The following RBFOX1 variants were observed in gnomAD, a reference collection of about 807,000 sequenced individuals.
RBFOX1 encodes the protein RNA binding protein fox-1 homolog 1.
Under a neutral mutation model 57.7 loss-of-function variants are expected in RBFOX1, and 8 were observed. That is an observed-to-expected ratio of 0.14 (90% confidence interval 0.08 to 0.25). The LOEUF is 0.25. RBFOX1 is among the 10% of genes least tolerant of loss of function. RBFOX1 has a pLI of 1.00. For missense variants in RBFOX1, 611 were observed against 548.5 expected (o/e 1.11, Z -1.14); for synonymous variants, 326 against 222.4 (o/e 1.47, Z -4.15).
At chr16:6,537,867 T>C (rs564920165) in intron 2 of RBFOX1, among the ~76,000 whole-genome samples, 1 of 152,036 alleles carries the variant, frequency 6.6e-6, no homozygotes, top group South Asian at 2.1e-4. Flanking sequence ...ATATTTAAAT[T>C]GAGTTAAATC....
At chr16:5,675,283 G>C (rs1487821252) in intron 3 of RBFOX1, among the ~76,000 whole-genome samples, 1 of 152,128 alleles carries the variant, frequency 6.6e-6, no homozygotes, top group Non-Finnish European at 1.5e-5. Context: ...ACATTTTTGG[G>C]TTGTAAGGAA....
At chr16:7,696,883 T>C (rs912551343) in intron 14 of RBFOX1, among the ~76,000 whole-genome samples, 11 of 152,072 alleles carry the variant, frequency 7.2e-5, no homozygotes, top group African/African-American at 2.4e-4. Context: ...ATACAGCAGG[T>C]GCAGAGACCC....
At chr16:6,153,241 C>A (rs1405318340) in intron 1 of RBFOX1, among the ~76,000 whole-genome samples, 1 of 151,910 alleles carries the variant, frequency 6.6e-6, no homozygotes, top group African/African-American at 2.4e-5. Context: ...ATGCAGCATT[C>A]CTATTTCCTC....
chr16:6,380,492 C>T lies in RBFOX1; in HGVS notation c.-64+63435C>T, dbSNP rs143823325. 7.2e-3 allele frequency among the ~76,000 whole-genome samples: 941 copies of T among 131,078 alleles called. 6 individuals are homozygous for T. The highest frequency in any genetic ancestry group is 0.032 in the Middle Eastern group (7 of 222). 86.0% of individuals were successfully genotyped at this position (131,078 alleles called of 152,430 possible). ...GTCTAGACACAGAGAAAATGGACAA[C>T]TTATGGTCTAGAGATGGCAGCACAG... On this transcript the variant is annotated intron_variant, in intron 2 of 15. Coordinates refer to ENST00000550418, the MANE Select transcript of RBFOX1 (RefSeq NM_018723.4).
chr16:7,196,597 T>A (rs951043133), intron 4 of RBFOX1, among the ~76,000 whole-genome samples: 1 of 152,154 alleles, frequency 6.6e-6, no homozygotes, highest in East Asian at 1.9e-4. Flanking sequence ...TTTATTCGCA[T>A]TTTTTAGAGG....
intron 3 of RBFOX1, among the ~76,000 whole-genome samples, chr16:5,834,730 G>GATACATACATACATACATAC (rs763479891): frequency 1.4e-5 from 2 of 146,302 alleles, no homozygotes; most frequent in Non-Finnish European, 1.5e-5. Flanking sequence ...TAGATACATA[G>GATACATACATACATACATAC]ATACATACAT....
At chr16:5,527,976 GT>G (rs1294612153) in intron 2 of RBFOX1, among the ~76,000 whole-genome samples, 1 of 152,184 alleles carries the variant, frequency 6.6e-6, no homozygotes, top group Non-Finnish European at 1.5e-5. Flanking sequence ...CTGTCAGGAT[GT>G]TTAAACAGCC....
chr16:6,731,507 C>G (rs2068579479), intron 3 of RBFOX1, among the ~76,000 whole-genome samples: 1 of 152,094 alleles, frequency 6.6e-6, no homozygotes, highest in African/African-American at 2.4e-5. Context: ...TGTCTCAGTT[C>G]TTGAGAGTAT....
intron 3 of RBFOX1, among the ~76,000 whole-genome samples, chr16:6,929,608 A>G (rs1247611515): frequency 6.6e-6 from 1 of 152,182 alleles, no homozygotes; most frequent in Middle Eastern, 3.2e-3. Context: ...TAGCTTAAAA[A>G]AAGTCCCACC....
At chr16:5,974,958 A>G (rs2060032781) in intron 4 of RBFOX1, among the ~76,000 whole-genome samples, 1 of 152,202 alleles carries the variant, frequency 6.6e-6, no homozygotes, top group Non-Finnish European at 1.5e-5. Context: ...CGGTGAGCAG[A>G]GAACACGCCT....
In RBFOX1 at chr16:7,612,050, G is replaced by A. The variant is rs558841855; in HGVS notation, c.676+4712G>A. Among the ~76,000 whole-genome samples, 23 of 152,096 alleles carry A rather than the reference G, an allele frequency of 1.5e-4. 2 individuals carry two copies. In the South Asian group the frequency reaches 3.9e-3, roughly 26 times the overall value. On this transcript the variant is annotated intron_variant, in intron 10 of 15. Coordinates refer to ENST00000550418, the MANE Select transcript of RBFOX1 (RefSeq NM_018723.4). Reference sequence around the variant, plus strand: ...TCAAGACAAATGATTTGCCGGGCGCGGTGGCTCACGCCTGTAATCCCAGCA... The same window carrying A: ...TCAAGACAAATGATTTGCCGGGCGCAGTGGCTCACGCCTGTAATCCCAGCA...
At chr16:7,049,023 G>C (rs908563764) in intron 3 of RBFOX1, among the ~76,000 whole-genome samples, 7 of 152,098 alleles carry the variant, frequency 4.6e-5, no homozygotes, top group African/African-American at 1.4e-4. Flanking sequence ...AATTCTCAAA[G>C]CTTATGGAAA....
At chr16:5,756,614 CT>C in intron 3 of RBFOX1, among the ~76,000 whole-genome samples, 1 of 152,320 alleles carries the variant, frequency 6.6e-6, no homozygotes, top group East Asian at 1.9e-4. Flanking sequence ...CTTAACTAAT[CT>C]GGCACCATTT....
chr16:5,454,767 C>A (rs77602619), intron 1 of RBFOX1, among the ~76,000 whole-genome samples: 1 of 36,320 alleles, frequency 2.8e-5, no homozygotes, highest in African/African-American at 9.8e-5. Flanking sequence ...TTCTTTCTTT[C>A]TCTTTCTTTC....
intron 3 of RBFOX1, among the ~76,000 whole-genome samples, chr16:6,754,712 T>C (rs1232770766): frequency 6.6e-6 from 1 of 152,066 alleles, no homozygotes; most frequent in Non-Finnish European, 1.5e-5. Flanking sequence ...TGTTTTTTTT[T>C]TATTATTATA....
downstream of RBFOX1, chr16:5,600,198 G>C (rs2047319936): frequency 6.6e-6 from 1 of 151,984 alleles, no homozygotes; most frequent in South Asian, 2.1e-4. Flanking sequence ...CTACTCAGGA[G>C]GCTGAGGCAG....
intron 1 of RBFOX1, among the ~76,000 whole-genome samples, chr16:5,422,209 TGGAGGAG>T (rs1230287146): frequency 7.9e-6 from 1 of 126,446 alleles, no homozygotes; most frequent in Non-Finnish European, 1.7e-5. Flanking sequence ...AGGAGAAAGG[TGGAGGAG>T]AGAGGAGGGA....
At chr16:7,021,836 A>G (rs1276859133) in intron 3 of RBFOX1, among the ~76,000 whole-genome samples, 1 of 151,324 alleles carries the variant, frequency 6.6e-6, no homozygotes, top group Admixed American at 6.6e-5. Context: ...TCTTGAAGGT[A>G]GTTGGTATTA....
chr16:5,882,333 G>T (rs2057783878), intron 4 of RBFOX1, among the ~76,000 whole-genome samples: 1 of 152,156 alleles, frequency 6.6e-6, no homozygotes, highest in Non-Finnish European at 1.5e-5. Flanking sequence ...TCAACTCAAA[G>T]ATGGAACAAC....
Sources: gnomAD v4.1 joint callset for allele counts (sites outside exome capture counted in the v4.1 genomes callset) on GRCh38, gnomAD v4.1.1 for gene constraint, MANE v1.5 for transcripts, NCBI Gene and HGNC (gene_info 2026-07-23, HGNC 2026-07-21) for gene names.